SEMA6D: variants seen among roughly 807,000 people sequenced by gnomAD.
SEMA6D encodes the protein semaphorin-6D.
A neutral mutation model predicts 106.6 loss-of-function variants in SEMA6D; 35 were observed. The ratio of observed to expected loss-of-function variants is 0.33; its 90% CI spans 0.25 to 0.44. The LOEUF is 0.44. Ranked by LOEUF, SEMA6D falls within the 20% of genes least tolerant of loss-of-function variation. The pLI, the probability that SEMA6D is intolerant of heterozygous loss-of-function variation, is 1.00. For missense variants in SEMA6D, 1,185 were observed against 1,345.9 expected (o/e 0.88, Z 1.87); for synonymous variants, 499 against 487.7 (o/e 1.02, Z -0.31).
intron 3 of SEMA6D, among the ~76,000 whole-genome samples, chr15:47,525,755 G>A (rs916774942): frequency 1.3e-5 from 2 of 152,132 alleles, no homozygotes; most frequent in Non-Finnish European, 2.9e-5. Flanking sequence ...AGTTCTAATT[G>A]TGCAATTTCA....
intron 1 of SEMA6D, among the ~76,000 whole-genome samples, chr15:47,758,380 G>A (rs13329140): frequency 0.21 from 31,263 of 151,988 alleles, 3,718 homozygotes; most frequent in Non-Finnish European, 0.26. Flanking sequence ...AGATATGTAA[G>A]ACTGAGGATA....
chr15:47,391,452 G>C (rs1437262208), intron 1 of SEMA6D, among the ~76,000 whole-genome samples: 2 of 152,072 alleles, frequency 1.3e-5, no homozygotes, highest in African/African-American at 4.8e-5. Flanking sequence ...TCAGACAATG[G>C]TTCCTATTAC....
intron 3 of SEMA6D, among the ~76,000 whole-genome samples, chr15:47,504,114 C>A (rs2043956262): frequency 6.6e-6 from 1 of 152,210 alleles, no homozygotes; most frequent in South Asian, 2.1e-4. Flanking sequence ...TCTTGGAAGT[C>A]CAGAGATGGT....
intron 1 of SEMA6D, among the ~76,000 whole-genome samples, chr15:47,375,681 CAAAGAA>C (rs1165650849): frequency 6.6e-6 from 1 of 151,768 alleles, no homozygotes; most frequent in East Asian, 1.9e-4. Context: ...TCTTATAAGA[CAAAGAA>C]AAAGAAGTGG....
chr15:47,342,753 C>A (rs2037873784), intron 1 of SEMA6D, among the ~76,000 whole-genome samples: 1 of 152,148 alleles, frequency 6.6e-6, no homozygotes, highest in African/African-American at 2.4e-5. Flanking sequence ...CTCTGTCACC[C>A]AGGCTGGAGT....
intron 4 of SEMA6D, among the ~76,000 whole-genome samples, chr15:47,701,426 G>C (rs567229643): frequency 3.3e-5 from 5 of 152,052 alleles, no homozygotes; most frequent in African/African-American, 7.2e-5. Flanking sequence ...GGAGGAATAC[G>C]TTCACTATAT....
intron 1 of SEMA6D, among the ~76,000 whole-genome samples, chr15:47,293,014 CA>C (rs1393307149): frequency 6.6e-6 from 1 of 152,154 alleles, no homozygotes; most frequent in Non-Finnish European, 1.5e-5. Context: ...TGATTTCTTG[CA>C]TCTTTTTCTG....
chr15:47,460,862 C>A lies in SEMA6D; in HGVS notation c.-158-9612C>A, dbSNP rs1425366106. Among the ~76,000 whole-genome samples, 6 of 152,022 alleles carry A rather than the reference C, an allele frequency of 3.9e-5. 1 individual carries two copies. The highest frequency in any genetic ancestry group is 3.9e-4 in the Admixed American group (6 of 15,252). ...TAACATAAAACAGCAGATTTAATGA[C>A]CCGGAAATTAACTCAACTAACTATG... On this transcript the variant is annotated intron_variant, in intron 2 of 19. Coordinates refer to the SEMA6D transcript ENST00000558014.
chr15:47,451,424 G>T (rs544841428), intron 2 of SEMA6D, among the ~76,000 whole-genome samples: 1 of 152,100 alleles, frequency 6.6e-6, no homozygotes, highest in African/African-American at 2.4e-5. Flanking sequence ...GTGTGATCCA[G>T]ATCAATCACA....
intron 1 of SEMA6D, among the ~76,000 whole-genome samples, chr15:47,411,256 C>G (rs7183005): frequency 0.01 from 1,529 of 152,000 alleles, 35 homozygotes; most frequent in African/African-American, 0.035. Flanking sequence ...CCACCACGCC[C>G]GGCTAATTTT....
At chr15:47,421,348 G>A (rs2041148667) in intron 2 of SEMA6D, among the ~76,000 whole-genome samples, 1 of 152,132 alleles carries the variant, frequency 6.6e-6, no homozygotes, top group Non-Finnish European at 1.5e-5. Context: ...ATACAATGCT[G>A]AAGACATCAG....
chr15:47,287,601 T>A (rs1595644643), intron 1 of SEMA6D, among the ~76,000 whole-genome samples: 1 of 152,272 alleles, frequency 6.6e-6, no homozygotes, highest in East Asian at 1.9e-4. Flanking sequence ...TCAGCTCTGA[T>A]CCCTATACTT....
chr15:47,708,243 C>T (rs1047773275), intron 4 of SEMA6D, among the ~76,000 whole-genome samples: 4 of 152,158 alleles, frequency 2.6e-5, no homozygotes, highest in Admixed American at 6.6e-5. Flanking sequence ...AATTAAGGAA[C>T]TTGGTACAAT....
chr15:47,485,539 A>G (rs1416745700), intron 3 of SEMA6D, among the ~76,000 whole-genome samples: 1 of 152,208 alleles, frequency 6.6e-6, no homozygotes, highest in Non-Finnish European at 1.5e-5. Flanking sequence ...AGAGAGTCAT[A>G]CAATACTTAA....
At chr15:47,352,363 G>C (rs192965697) in intron 1 of SEMA6D, among the ~76,000 whole-genome samples, 3 of 152,242 alleles carry the variant, frequency 2.0e-5, no homozygotes, top group East Asian at 3.9e-4. Flanking sequence ...ATCTAGAGAC[G>C]AATAACCTTT....
At chr15:47,345,240 T>TA (rs2037997930) in intron 1 of SEMA6D, among the ~76,000 whole-genome samples, 1 of 149,644 alleles carries the variant, frequency 6.7e-6, no homozygotes, top group Non-Finnish European at 1.5e-5. Context: ...CATATGGAAA[T>TA]AAAAAATGAT....
intron 4 of SEMA6D, among the ~76,000 whole-genome samples, chr15:47,663,441 A>T (rs1435951670): frequency 1.3e-5 from 2 of 152,218 alleles, no homozygotes; most frequent in Non-Finnish European, 2.9e-5. Context: ...TTGATCTCTG[A>T]AGTAACAAAA....
At chr15:47,672,618 A>G (rs1245882773) in intron 4 of SEMA6D, among the ~76,000 whole-genome samples, 2 of 152,150 alleles carry the variant, frequency 1.3e-5, no homozygotes, top group African/African-American at 2.4e-5. Flanking sequence ...TTTATCAGCA[A>G]TCTTGAGTAT....
At chr15:47,434,941 CAT>C (rs2041653951) in intron 2 of SEMA6D, among the ~76,000 whole-genome samples, 1 of 152,156 alleles carries the variant, frequency 6.6e-6, no homozygotes, top group Non-Finnish European at 1.5e-5. Context: ...CACACACTCA[CAT>C]ACACACACAT....
Sources: allele counts gnomAD v4.1 joint callset (sites outside exome capture counted in the v4.1 genomes callset), GRCh38; gene constraint gnomAD v4.1.1; transcripts MANE v1.5; gene names NCBI Gene and HGNC (gene_info 2026-07-23, HGNC 2026-07-21).